Variants in SGO2 observed in about 807,000 individuals in gnomAD.
SGO2 encodes shugoshin-like 2.
A neutral mutation model predicts 99.5 loss-of-function variants in SGO2; 68 were observed. The ratio of observed to expected loss-of-function variants is 0.68; its 90% confidence interval spans 0.56 to 0.84. SGO2 has a LOEUF of 0.84. Ranked by LOEUF, SGO2 falls within the 40% of genes least tolerant of loss-of-function variation. SGO2 has a pLI of 0.00. For missense variants in SGO2, 1,350 were observed against 1,436.7 expected (o/e 0.94, Z 0.97); for synonymous variants, 457 against 487.1 (o/e 0.94, Z 0.81).
At chr2:200,553,752 A>C (rs1053220515) in intron 5 of SGO2, among the ~76,000 whole-genome samples, 1 of 152,200 alleles carries the variant, frequency 6.6e-6, no homozygotes, top group African/African-American at 2.4e-5. Flanking sequence ...ATCTCAGATG[A>C]GACTTTTTTA....
At chr2:200,574,069 C>A in intron 7 of SGO2, 92 bp downstream of exon 7, 2 of 986,822 alleles carry the variant, frequency 2.0e-6, no homozygotes, top group Non-Finnish European at 2.9e-6. Context: ...TATTTTCTAA[C>A]TGGTATTTTT....
chr2:200,569,446 C>T (rs2033308513), intron 5 of SGO2, among the ~76,000 whole-genome samples: 1 of 152,040 alleles, frequency 6.6e-6, no homozygotes, highest in Admixed American at 6.6e-5. Context: ...TTTGGGGCCA[C>T]TGTGACTAAG....
At chr2:200,554,970 A>G (rs1271342106) in intron 5 of SGO2, among the ~76,000 whole-genome samples, 2 of 152,128 alleles carry the variant, frequency 1.3e-5, no homozygotes, top group Non-Finnish European at 2.9e-5. Context: ...CCAATGTTCA[A>G]TTTATGGAAA....
At chr2:200,539,351 A>G (rs2031849846) in intron 4 of SGO2, among the ~76,000 whole-genome samples, 1 of 151,770 alleles carries the variant, frequency 6.6e-6, no homozygotes, top group South Asian at 2.1e-4. Context: ...TCTGTGTTGC[A>G]TTTCCCCAGT....
intron 4 of SGO2, among the ~76,000 whole-genome samples, chr2:200,537,125 C>T (rs1007076020): frequency 1.3e-5 from 2 of 151,850 alleles, no homozygotes; most frequent in Non-Finnish European, 2.9e-5. Context: ...TTGGATAGAT[C>T]CAGAGTGGAC....
Position 200,571,362 on chromosome 2 carries a change from A to G in SGO2, c.1016A>G (p.Glu339Gly), listed in dbSNP as rs368805886. The G allele has an allele frequency of 1.0e-4, 168 of 1,612,452 alleles. No homozygotes were observed. Among genetic ancestry groups the G allele is most frequent in the Non-Finnish European group, 1.4e-4 (165 of 1,178,856 alleles). The change falls in exon 7 of 9, where the codon GAA becomes GGA. Residue 339 changes from glutamate (E) to glycine (G), a missense_variant. Transcript: ENST00000357799. ...LPGLSSESAR[E>G]PNAECMNQIE... ...GGCTTATCTTCTGAGTCTGCCAGAG[A>G]ACCTAATGCAGAGTGCATGAATCAA...
At chr2:200,564,684 G>A (rs1225266977) in intron 5 of SGO2, among the ~76,000 whole-genome samples, 1 of 152,200 alleles carries the variant, frequency 6.6e-6, no homozygotes, top group Non-Finnish European at 1.5e-5. Context: ...CTTTATTATT[G>A]TGTGGGAGTC....
rs1043032710 is a variant in SGO2, at chr2:200,542,621, C to T, written c.430C>T (p.Arg144Ter). ...TCTACTGTCAGCTAGCAAGAAGAAA[C>T]GAATTAGTAAACAGTGCAAGTTGAT... ...SFLLSASKKK[R>*]ISKQCKLMRL... Residue 144 changes from arginine to a stop codon, truncating the protein, a stop_gained, in exon 5 of 9, where the codon CGA (arginine) becomes TGA (stop). Transcript: ENST00000357799. LOFTEE classifies it high-confidence loss of function. The T allele has an allele frequency of 4.3e-6, 7 of 1,612,348 alleles. No individual in the cohort carries two copies. Among genetic ancestry groups the T allele is most frequent in the East Asian group, 4.5e-5 (2 of 44,706 alleles).
intron 4 of SGO2, among the ~76,000 whole-genome samples, chr2:200,538,218 C>T (rs2031784989): frequency 6.6e-6 from 1 of 152,132 alleles, no homozygotes; most frequent in Admixed American, 6.6e-5. Flanking sequence ...AACTGAAACT[C>T]TTCTTATTTC....
Position 200,550,184 on chromosome 2 carries a change from T to C in SGO2, c.473+7520T>C, listed in dbSNP as rs373080245. 1.5e-3 allele frequency among the ~76,000 whole-genome samples: 231 copies of C among 152,032 alleles called. 1 individual carries two copies. The highest frequency in any genetic ancestry group is 5.2e-3 in the African/African-American group (217 of 41,492). ...TTCTATAGAAGGAAAATGACAAAAC[T>C]CTGATGAAAGAAATAGGACACCAAA... On this transcript the variant is annotated intron_variant, in intron 5 of 8. Coordinates refer to ENST00000357799, the MANE Select transcript of SGO2 (RefSeq NM_152524.6).
chr2:200,551,996 G>A (rs1433898542), intron 5 of SGO2, among the ~76,000 whole-genome samples: 1 of 152,122 alleles, frequency 6.6e-6, no homozygotes, highest in Non-Finnish European at 1.5e-5. Context: ...CAGCTTGTCA[G>A]TTTACACACA....
In SGO2 at chr2:200,573,116, T is replaced by A; in HGVS notation, c.2770T>A (p.Tyr924Asn). The A allele has an allele frequency of 1.3e-6, 2 of 1,591,262 alleles. No homozygotes were observed. Among genetic ancestry groups the A allele is most frequent in the Non-Finnish European group, 1.7e-6 (2 of 1,174,220 alleles). Residue 924 changes from tyrosine to asparagine, a missense_variant, in exon 7 of 9, where the codon TAT becomes AAT. Transcript: ENST00000357799. ...TEIISEMNQIYEDNDKDAHVQ... is the reference protein window; with the variant it reads ...TEIISEMNQINEDNDKDAHVQ... ...AATAATTTCTGAAATGAACCAGATATATGAGGATAATGATAAAGATGCACA... is the reference window on the plus strand; with the variant it reads ...AATAATTTCTGAAATGAACCAGATAAATGAGGATAATGATAAAGATGCACA...
At chr2:200,527,672 T>C (rs2031166348) in intron 1 of SGO2, among the ~76,000 whole-genome samples, 1 of 152,232 alleles carries the variant, frequency 6.6e-6, no homozygotes. Flanking sequence ...CATTCATTCA[T>C]AGTCACTTCT....
intron 5 of SGO2, among the ~76,000 whole-genome samples, chr2:200,557,213 T>C (rs2032753651): frequency 6.6e-6 from 1 of 152,204 alleles, no homozygotes; most frequent in Non-Finnish European, 1.5e-5. Flanking sequence ...TCTAATCCCC[T>C]ACATCTCAGA....
intron 5 of SGO2, among the ~76,000 whole-genome samples, chr2:200,553,133 A>G (rs1407906706): frequency 6.6e-6 from 1 of 152,196 alleles, no homozygotes; most frequent in Non-Finnish European, 1.5e-5. Flanking sequence ...GACCATTCAT[A>G]ACTCTTGAGT....
intron 2 of SGO2, among the ~76,000 whole-genome samples, chr2:200,534,278 T>C (rs781736451): frequency 2.6e-5 from 4 of 152,312 alleles, no homozygotes; most frequent in African/African-American, 9.6e-5. Flanking sequence ...TATGGTAAGC[T>C]TTACCAGGGA....
intron 1 of SGO2, among the ~76,000 whole-genome samples, chr2:200,529,928 T>C (rs1382402258): frequency 6.6e-6 from 1 of 152,222 alleles, no homozygotes; most frequent in Non-Finnish European, 1.5e-5. Flanking sequence ...GGAAGATGTT[T>C]CTAAACAGCA....
intron 5 of SGO2, among the ~76,000 whole-genome samples, chr2:200,556,366 A>C (rs944348498): frequency 1.3e-5 from 2 of 152,238 alleles, no homozygotes; most frequent in African/African-American, 4.8e-5. Context: ...CAAACAGCCA[A>C]TATTTCTCGC....
chr2:200,543,142 A>G, intron 5 of SGO2: 1 of 152,374 alleles, frequency 6.6e-6, no homozygotes, highest in Non-Finnish European at 1.5e-5. Flanking sequence ...GTCTCTACTA[A>G]AAATACAAAA....
Sources: allele counts gnomAD v4.1 joint callset (sites outside exome capture counted in the v4.1 genomes callset), GRCh38; gene constraint gnomAD v4.1.1; transcripts MANE v1.5; gene names NCBI Gene and HGNC (gene_info 2026-07-23, HGNC 2026-07-21).